LYAR: variants seen among roughly 807,000 people sequenced by gnomAD.
LYAR encodes Ly1 antibody reactive, also known as cell growth-regulating nucleolar protein.
Under a neutral mutation model 45.2 loss-of-function variants are expected in LYAR, and 37 were observed. The observed-to-expected ratio is 0.82, with a 90% confidence interval of 0.63 to 1.08. LYAR has a LOEUF of 1.08. Ranked by LOEUF, LYAR falls within the 50% of genes least tolerant of loss-of-function variation. The pLI is 0.00. For synonymous variants in LYAR, 176 were observed against 155.1 expected (o/e 1.14, Z -1.00); for missense variants, 493 against 451.0 (o/e 1.09, Z -0.84).
chr4:4,277,389 C>T (rs1719225155), intron 6 of LYAR, among the ~76,000 whole-genome samples: 1 of 152,176 alleles, frequency 6.6e-6, no homozygotes, highest in Non-Finnish European at 1.5e-5. Flanking sequence ...ACCCTGGCAT[C>T]CCTTCTACAC....
chr4:4,283,838 C>T (rs1045651063), intron 2 of LYAR, 43 bp from the exon 3 acceptor site: 5 of 919,278 alleles, frequency 5.4e-6, no homozygotes, highest in African/African-American at 3.3e-5. Context: ...TGAAACTTCT[C>T]ATTTCAATAA....
chr4:4,285,613 C>T (rs2920167), intron 2 of LYAR, among the ~76,000 whole-genome samples: 52 of 152,288 alleles, frequency 3.4e-4, no homozygotes, highest in African/African-American at 1.1e-3. Context: ...GTGAAAGCAG[C>T]CGTGATATGC....
At chr4:4,273,201 C>T (rs1410188032) in intron 8 of LYAR, among the ~76,000 whole-genome samples, 1 of 152,142 alleles carries the variant, frequency 6.6e-6, no homozygotes, top group African/African-American at 2.4e-5. Context: ...ATTTCCAAAC[C>T]AGACTGCTTT....
At chr4:4,289,588 G>A (rs1360489469) in intron 1 of LYAR, 2 of 152,328 alleles carry the variant, frequency 1.3e-5, no homozygotes, top group Non-Finnish European at 2.9e-5. Flanking sequence ...GGCGCAAAGA[G>A]GTTAAAAAAC....
At chr4:4,269,776 G>A (rs1422495829) in intron 8 of LYAR, among the ~76,000 whole-genome samples, 1 of 152,184 alleles carries the variant, frequency 6.6e-6, no homozygotes, top group African/African-American at 2.4e-5. Context: ...AAAAATGTAA[G>A]ACTAGGAGGC....
In LYAR at chr4:4,268,714, T is replaced by C. The variant is rs1486653980; in HGVS notation, c.920-99A>G. On this transcript the variant is annotated intron_variant, in intron 8 of 9. Coordinates refer to ENST00000343470, the MANE Select transcript of LYAR (RefSeq NM_017816.3). Reference sequence around the variant, plus strand: ...CAACACCTATTTGCTTCCCAGGAAATGAGCTAACCCTCTAATGAACCAGAC... The same window carrying C: ...CAACACCTATTTGCTTCCCAGGAAACGAGCTAACCCTCTAATGAACCAGAC... 3 of 730,534 alleles carry C rather than the reference T, an allele frequency of 4.1e-6. No individual in the cohort carries two copies. The African/African-American group carries it at 5.4e-5, about 13-fold the overall frequency. 45.3% of individuals were successfully genotyped at this position (730,534 alleles called of 1,614,324 possible). A position where few individuals can be genotyped will look rare whatever the true frequency, so the allele number is the denominator to read the frequency against.
intron 5 of LYAR, 29 bp from the exon 6 acceptor site, chr4:4,279,559 T>G (rs768981823): frequency 1.3e-6 from 2 of 1,569,370 alleles, no homozygotes; most frequent in Non-Finnish European, 1.8e-6. Context: ...AAAAGAACTA[T>G]TGATCCCACT....
At chr4:4,279,328 T>A (rs1719306355) in intron 6 of LYAR, 119 bp downstream of exon 6, 2 of 700,616 alleles carry the variant, frequency 2.9e-6, no homozygotes, top group South Asian at 3.9e-5. Flanking sequence ...TAAGACTCCA[T>A]CTCAAAAAAA....
At chr4:4,284,308 A>G (rs772137037) in intron 2 of LYAR, among the ~76,000 whole-genome samples, 17 of 152,250 alleles carry the variant, frequency 1.1e-4, no homozygotes, top group Non-Finnish European at 1.9e-4. Context: ...CAGGTCCTCA[A>G]ATATACTAAG....
At chr4:4,288,141 T>A (rs907570806) in intron 1 of LYAR, among the ~76,000 whole-genome samples, 3 of 152,168 alleles carry the variant, frequency 2.0e-5, no homozygotes, top group African/African-American at 7.2e-5. Context: ...GTAAAATGGA[T>A]CTAATACCTA....
chr4:4,281,077 T>G (rs541289897), intron 4 of LYAR, among the ~76,000 whole-genome samples: 1 of 152,196 alleles, frequency 6.6e-6, no homozygotes, highest in Non-Finnish European at 1.5e-5. Flanking sequence ...TTCTCTGCAT[T>G]GACGAAAGTA....
chr4:4,279,475 C>G lies in LYAR; in HGVS notation c.401G>C (p.Trp134Ser). Residue 134 changes from tryptophan (W) to serine (S), a missense_variant, in exon 6 of 10, where the codon TGG (tryptophan) becomes TCG (serine). Transcript: ENST00000343470. ...VHNESILDQV[W>S]NIFSEASNSE... is the part of the protein sequence containing the mutation. ...GTTGGAAGCTTCAGAAAAGATATTCCACACCTGGTCCAGAATGGATTCATT... is the reference window on the plus strand; with the variant it reads ...GTTGGAAGCTTCAGAAAAGATATTCGACACCTGGTCCAGAATGGATTCATT... The G allele has an allele frequency of 6.2e-7, 1 of 1,612,910 alleles. No individual in the cohort carries two copies. The highest frequency in any genetic ancestry group is 8.5e-7 in the Non-Finnish European group (1 of 1,179,050).
chr4:4,270,073 G>C (rs984175505), intron 8 of LYAR, among the ~76,000 whole-genome samples: 3 of 151,946 alleles, frequency 2.0e-5, no homozygotes, highest in African/African-American at 7.3e-5. Flanking sequence ...AAACTTCGCT[G>C]GGTGTGGTGG....
Position 4,267,855 on chromosome 4 carries a change from G to T in LYAR, c.*34C>A. The T allele has an allele frequency of 6.5e-7, 1 of 1,547,720 alleles. No individual in the cohort carries two copies. ...AAACAGCAGTGAAAGGAAGAAGTCAGCAGAATGGATTCAATTTTTAAATAC... is the reference window on the plus strand; with the variant it reads ...AAACAGCAGTGAAAGGAAGAAGTCATCAGAATGGATTCAATTTTTAAATAC... On this transcript the variant is annotated 3_prime_UTR_variant, in exon 10 of 10. Transcript: ENST00000343470.
chr4:4,267,970 T>C lies in LYAR; in HGVS notation c.1059A>G (p.Glu353=). The C allele has an allele frequency of 6.2e-7, 1 of 1,612,482 alleles. No homozygotes were observed. The highest frequency in any genetic ancestry group is 8.5e-7 in the Non-Finnish European group (1 of 1,179,358). ...VTDEHHRSEE[E]LLVIFNKKIS... ...TTTTCTTGTTAAAGATGACCAGGAG[T>C]TCCTCTTCGGATCTGTGATGCTCAT... Residue 353 remains glutamate (E), a synonymous_variant, in exon 10 of 10, where the codon GAA becomes GAG. Transcript: ENST00000343470.
In LYAR at chr4:4,274,398, G is replaced by A. The variant is rs776356297; in HGVS notation, c.801C>T (p.Gly267=). The A allele has an allele frequency of 4.1e-5, 66 of 1,613,128 alleles. No individual in the cohort carries two copies. The highest frequency in any genetic ancestry group is 3.8e-4 in the East Asian group (17 of 44,882). Residue 267 remains glycine (G), a synonymous_variant, in exon 7 of 10, where the codon GGC becomes GGT. Transcript: ENST00000343470. ...AGTGCCTCCGCTTCCTCTTCCCTGC[G>A]CCCACGCGTGCCTCTTCCTCACTGG... ...DSASEEEARV[G]AGKRKRRHSE... is the part of the protein sequence containing the mutation.
At chr4:4,271,097 T>C (rs1718912625) in intron 8 of LYAR, among the ~76,000 whole-genome samples, 1 of 152,188 alleles carries the variant, frequency 6.6e-6, no homozygotes, top group Non-Finnish European at 1.5e-5. Context: ...TGTTATGAAA[T>C]ACTAGATCTT....
At chr4:4,277,357 T>C (rs940887106) in intron 6 of LYAR, among the ~76,000 whole-genome samples, 1 of 152,176 alleles carries the variant, frequency 6.6e-6, no homozygotes, top group African/African-American at 2.4e-5. Context: ...TAAAATATTA[T>C]TTTAACCACT....
At chr4:4,278,163 G>A (rs1577215041) in intron 6 of LYAR, among the ~76,000 whole-genome samples, 1 of 152,074 alleles carries the variant, frequency 6.6e-6, no homozygotes, top group Admixed American at 6.6e-5. Context: ...TCGGTTATAC[G>A]GTTTCAAAGG....
Sources: allele counts gnomAD v4.1 joint callset (sites outside exome capture counted in the v4.1 genomes callset), GRCh38; gene constraint gnomAD v4.1.1; transcripts MANE v1.5; gene names NCBI Gene and HGNC (gene_info 2026-07-23, HGNC 2026-07-21).